The following SLC39A11 variants were observed in gnomAD, a reference collection of about 807,000 sequenced individuals.
SLC39A11 encodes zinc transporter ZIP11.
In SLC39A11, 33 loss-of-function variants were observed where a neutral mutation model predicts 36.1. That is an observed-to-expected ratio of 0.91 (90% confidence interval 0.69 to 1.22). The LOEUF is 1.22. Ranked by LOEUF, SLC39A11 falls within the 50% of genes most tolerant of loss-of-function variation. The pLI is 0.00. For synonymous variants in SLC39A11, 166 were observed against 170.3 expected, an observed-to-expected ratio of 0.97 and a Z score of 0.20; for missense variants, 432 against 430.3, an observed-to-expected ratio of 1.00 and a Z score of -0.03.
intron 6 of SLC39A11, among the ~76,000 whole-genome samples, chr17:72,799,480 A>C (rs188669890): frequency 3.3e-5 from 5 of 152,316 alleles, no homozygotes; most frequent in Admixed American, 1.3e-4. Context: ...CAGAGAGCCT[A>C]TAAACAGACG....
At chr17:72,909,259 T>C (rs1188016179) in intron 5 of SLC39A11, among the ~76,000 whole-genome samples, 2 of 152,154 alleles carry the variant, frequency 1.3e-5, no homozygotes, top group African/African-American at 4.8e-5. Context: ...CGTCAGCCAT[T>C]GCATCCCACC....
intron 5 of SLC39A11, among the ~76,000 whole-genome samples, chr17:72,924,145 C>CAA (rs1192201974): frequency 1.4e-5 from 1 of 69,508 alleles, no homozygotes. Flanking sequence ...GACCCCGTCT[C>CAA]AAAAAAAAAA....
chr17:72,886,075 C>T (rs1598278479), intron 5 of SLC39A11, among the ~76,000 whole-genome samples: 1 of 152,184 alleles, frequency 6.6e-6, no homozygotes, highest in East Asian at 1.9e-4. Flanking sequence ...CTTTCTCCCC[C>T]AGTATTCCTG....
chr17:72,731,411 G>C (rs919496907), intron 7 of SLC39A11, among the ~76,000 whole-genome samples: 1 of 152,192 alleles, frequency 6.6e-6, no homozygotes, highest in Non-Finnish European at 1.5e-5. Context: ...GGGGTAGGAC[G>C]TGGTGGGAGG....
intron 6 of SLC39A11, among the ~76,000 whole-genome samples, chr17:72,812,470 A>T (rs2077462609): frequency 6.6e-6 from 1 of 152,270 alleles, no homozygotes; most frequent in Non-Finnish European, 1.5e-5. Context: ...TTCAGATTGC[A>T]AAAGAAATGG....
At chr17:72,993,967 G>A (rs549527292) in intron 4 of SLC39A11, among the ~76,000 whole-genome samples, 1 of 152,046 alleles carries the variant, frequency 6.6e-6, no homozygotes, top group African/African-American at 2.4e-5. Flanking sequence ...TCATGGGGGC[G>A]GGTGTTTCCC....
At position 73,030,641 on chromosome 17, in the gene SLC39A11, A is replaced by G. The variant is rs374007565; in HGVS notation, c.306+915T>C. Reference sequence around the variant, plus strand: ...GCACCACTTCCCTTTCTAGGGGAGCAGGGAACTCTGGCACCAGTTCAGGGG... The same window carrying G: ...GCACCACTTCCCTTTCTAGGGGAGCGGGGAACTCTGGCACCAGTTCAGGGG... On this transcript the variant is annotated intron_variant, in intron 4 of 9. Coordinates refer to ENST00000255559, the MANE Select transcript of SLC39A11 (RefSeq NM_139177.4). 1.7e-4 allele frequency among the ~76,000 whole-genome samples: 26 copies of G among 152,296 alleles called. 1 individual carries two copies. In the East Asian group the frequency reaches 2.1e-3, roughly 12 times the overall value.
At chr17:72,711,270 G>T (rs967507335) in intron 7 of SLC39A11, among the ~76,000 whole-genome samples, 16 of 152,206 alleles carry the variant, frequency 1.1e-4, no homozygotes, top group Non-Finnish European at 2.4e-4. Context: ...CTTGCAGCTA[G>T]GTGAGAACAT....
chr17:72,874,161 A>G (rs1257135820), intron 5 of SLC39A11, among the ~76,000 whole-genome samples: 3 of 152,238 alleles, frequency 2.0e-5, no homozygotes, highest in African/African-American at 4.8e-5. Flanking sequence ...CTTGATGAAG[A>G]CAAAACCACA....
chr17:73,085,812 C>T (rs557373899), intron 2 of SLC39A11, among the ~76,000 whole-genome samples: 10 of 152,144 alleles, frequency 6.6e-5, no homozygotes, highest in Admixed American at 2.6e-4. Flanking sequence ...GAAAAATGTT[C>T]GGCAGTGCTA....
chr17:72,802,964 T>C (rs1262501915), intron 6 of SLC39A11, among the ~76,000 whole-genome samples: 1 of 152,264 alleles, frequency 6.6e-6, no homozygotes, highest in African/African-American at 2.4e-5. Flanking sequence ...CCAGCTAGCC[T>C]GTCCTATTGG....
chr17:72,922,082 C>T (rs2083697717), intron 5 of SLC39A11, among the ~76,000 whole-genome samples: 1 of 152,162 alleles, frequency 6.6e-6, no homozygotes, highest in Non-Finnish European at 1.5e-5. Context: ...CAGCACACCA[C>T]CTCCCAGCAA....
intron 5 of SLC39A11, among the ~76,000 whole-genome samples, chr17:72,934,886 T>A (rs372414183): frequency 9.3e-4 from 142 of 152,034 alleles, no homozygotes; most frequent in African/African-American, 3.3e-3. Flanking sequence ...AACAAAAAAG[T>A]GATGAGGCCA....
intron 6 of SLC39A11, among the ~76,000 whole-genome samples, chr17:72,847,983 G>A (rs1329047719): frequency 6.6e-6 from 1 of 152,148 alleles, no homozygotes; most frequent in Non-Finnish European, 1.5e-5. Flanking sequence ...GCTCAAACTC[G>A]AATTCCCAAA....
At chr17:72,938,490 T>G (rs1342944165) in intron 5 of SLC39A11, among the ~76,000 whole-genome samples, 1 of 152,098 alleles carries the variant, frequency 6.6e-6, no homozygotes, top group African/African-American at 2.4e-5. Context: ...AGGCAAAAGG[T>G]TGACATGGGA....
At chr17:72,982,570 T>A (rs2088406586) in intron 4 of SLC39A11, among the ~76,000 whole-genome samples, 1 of 152,230 alleles carries the variant, frequency 6.6e-6, no homozygotes, top group Admixed American at 6.5e-5. Flanking sequence ...TGCAAAAACC[T>A]TGTTCGTAAT....
chr17:73,080,775 T>C (rs974428245), intron 3 of SLC39A11, among the ~76,000 whole-genome samples: 4 of 151,796 alleles, frequency 2.6e-5, no homozygotes, highest in African/African-American at 9.7e-5. Flanking sequence ...TGAAACTCCG[T>C]CTCTACTGAA....
At chr17:73,049,409 C>T (rs2059423033) in intron 3 of SLC39A11, among the ~76,000 whole-genome samples, 1 of 152,042 alleles carries the variant, frequency 6.6e-6, no homozygotes, top group Admixed American at 6.5e-5. Flanking sequence ...GACGCGCCTT[C>T]CAGGAGCAGC....
At chr17:72,839,019 G>A (rs2078692221) in intron 6 of SLC39A11, 1 of 152,186 alleles carries the variant, frequency 6.6e-6, no homozygotes, top group Non-Finnish European at 1.5e-5. Context: ...CTTGATGAAG[G>A]ACCAGGGGAG....
Sources: allele counts gnomAD v4.1 joint callset (sites outside exome capture counted in the v4.1 genomes callset), GRCh38; gene constraint gnomAD v4.1.1; transcripts MANE v1.5; gene names NCBI Gene and HGNC (gene_info 2026-07-23, HGNC 2026-07-21).